Variants in HIVEP2 observed in about 807,000 individuals in gnomAD.
HIVEP2 encodes the protein HIVEP zinc finger 2.
In HIVEP2, 14 loss-of-function variants were observed where a neutral mutation model predicts 180.7. The ratio of observed to expected loss-of-function variants is 0.08; its 90% confidence interval spans 0.05 to 0.12. The LOEUF is 0.12. Among genes scored for constraint, HIVEP2 ranks in the 10% least tolerant of loss-of-function variants. HIVEP2 has a pLI of 1.00. For missense variants in HIVEP2, 2,579 were observed against 3,008.5 expected, an observed-to-expected ratio of 0.86 and a Z score of 3.34; for synonymous variants, 1,184 against 1,136.4, an observed-to-expected ratio of 1.04 and a Z score of -0.84.
intron 2 of HIVEP2, among the ~76,000 whole-genome samples, chr6:142,809,422 A>T (rs1776634393): frequency 1.3e-5 from 2 of 152,026 alleles, no homozygotes; most frequent in African/African-American, 4.8e-5. Context: ...CTCCTATGTA[A>T]CTACTGCCCC....
intron 1 of HIVEP2, among the ~76,000 whole-genome samples, chr6:142,903,077 A>G (rs747485476): frequency 2.6e-5 from 4 of 152,178 alleles, no homozygotes; most frequent in African/African-American, 4.8e-5. Context: ...CTTTATTATA[A>G]TTAATTTCAG....
At chr6:142,855,726 A>C (rs1775802789) in intron 1 of HIVEP2, among the ~76,000 whole-genome samples, 1 of 152,214 alleles carries the variant, frequency 6.6e-6, no homozygotes, top group African/African-American at 2.4e-5. Flanking sequence ...GCTTCTGTTC[A>C]TATGCTTAAG....
At position 142,771,004 on chromosome 6, in the gene HIVEP2, G is replaced by A. The variant is rs752377985; in HGVS notation, c.3735C>T (p.Pro1245=). The change falls in exon 5 of 10, where the codon CCC becomes CCT. Residue 1245 remains proline, a synonymous_variant. Coordinates refer to ENST00000367603, the MANE Select transcript of HIVEP2 (RefSeq NM_006734.4). This position sits in a 1 kb window ranked among gnomAD's most constrained non-coding sequence, Gnocchi z 5.4. ...AQHPQKSYGK[P]SFQTEIHSSY... ...TCGAATGGATTTCTGTCTGAAAAGA[G>A]GGCTTGCCATAGCTCTTCTGAGGGT... The A allele has an allele frequency of 1.9e-6, 3 of 1,614,210 alleles. No homozygotes were observed. Among genetic ancestry groups the A allele is most frequent in the East Asian group, 4.5e-5 (2 of 44,880 alleles).
chr6:142,925,711 A>G (rs554055323), intron 1 of HIVEP2, among the ~76,000 whole-genome samples: 3 of 152,224 alleles, frequency 2.0e-5, no homozygotes, highest in Non-Finnish European at 2.9e-5. Flanking sequence ...AGGCAACACT[A>G]CTGAAAGCAT....
chr6:142,888,036 TA>T (rs1011895680), intron 1 of HIVEP2, among the ~76,000 whole-genome samples: 2 of 152,130 alleles, frequency 1.3e-5, no homozygotes, highest in African/African-American at 4.8e-5. Context: ...ATGTCACTAG[TA>T]AAATACCATG....
At chr6:142,829,684 T>G (rs967717684) in intron 2 of HIVEP2, among the ~76,000 whole-genome samples, 3 of 152,232 alleles carry the variant, frequency 2.0e-5, no homozygotes, top group Non-Finnish European at 4.4e-5. Flanking sequence ...TAAATATTCA[T>G]TGAGTTTAAA....
intron 1 of HIVEP2, among the ~76,000 whole-genome samples, chr6:142,918,494 G>A (rs1308700201): frequency 2.0e-5 from 3 of 152,154 alleles, no homozygotes; most frequent in East Asian, 1.9e-4. Flanking sequence ...GCCTCCTAAC[G>A]ACAGCATCTG....
intron 1 of HIVEP2, among the ~76,000 whole-genome samples, chr6:142,902,006 G>A (rs571442509): frequency 6.6e-6 from 1 of 152,050 alleles, no homozygotes; most frequent in Non-Finnish European, 1.5e-5. Flanking sequence ...AATAGTGATG[G>A]CACTAGATGA....
intron 1 of HIVEP2, among the ~76,000 whole-genome samples, chr6:142,837,873 C>T (rs903570628): frequency 1.3e-5 from 2 of 151,986 alleles, no homozygotes; most frequent in African/African-American, 4.8e-5. Context: ...ATTAGGTCTT[C>T]CCAAGGTAGA....
chr6:142,803,752 C>T (rs148503655), intron 2 of HIVEP2, among the ~76,000 whole-genome samples: 1 of 152,212 alleles, frequency 6.6e-6, no homozygotes, highest in African/African-American at 2.4e-5. Context: ...AGAATGATTC[C>T]TCCTTTCCTA....
intron 1 of HIVEP2, among the ~76,000 whole-genome samples, chr6:142,905,385 C>A (rs565925164): frequency 1.3e-5 from 2 of 151,920 alleles, no homozygotes; most frequent in South Asian, 2.1e-4. Context: ...GTAATCAATA[C>A]GGGGGCCCAC....
intron 1 of HIVEP2, among the ~76,000 whole-genome samples, chr6:142,842,250 A>C (rs1775384306): frequency 6.6e-6 from 1 of 152,184 alleles, no homozygotes; most frequent in South Asian, 2.1e-4. Flanking sequence ...GCAGAAATAC[A>C]AATCACTTAA....
chr6:142,814,892 T>C (rs1776792843), intron 2 of HIVEP2, among the ~76,000 whole-genome samples: 1 of 152,176 alleles, frequency 6.6e-6, no homozygotes, highest in Non-Finnish European at 1.5e-5. Flanking sequence ...TTAGTTCATT[T>C]TGTTCTACTA....
intron 1 of HIVEP2, among the ~76,000 whole-genome samples, chr6:142,897,966 A>G (rs1172140121): frequency 6.6e-6 from 1 of 152,126 alleles, no homozygotes; most frequent in African/African-American, 2.4e-5. Flanking sequence ...AGCTTAGTAC[A>G]CACCTGCTCT....
intron 1 of HIVEP2, among the ~76,000 whole-genome samples, chr6:142,917,107 C>T (rs1241126705): frequency 6.6e-6 from 1 of 152,188 alleles, no homozygotes; most frequent in African/African-American, 2.4e-5. Flanking sequence ...TTATGTCACT[C>T]ATCCAAAATT....
chr6:142,923,364 G>A (rs1304396714), intron 1 of HIVEP2, among the ~76,000 whole-genome samples: 2 of 151,880 alleles, frequency 1.3e-5, no homozygotes, highest in Admixed American at 6.6e-5. Flanking sequence ...ATATTTAATA[G>A]TGAACAATAA....
At chr6:142,801,485 G>A (rs1055353994) in intron 2 of HIVEP2, among the ~76,000 whole-genome samples, 42 of 150,272 alleles carry the variant, frequency 2.8e-4, no homozygotes, top group African/African-American at 1.0e-3. Context: ...AGCTAAATAA[G>A]GCCAACGATC....
At chr6:142,813,959 A>G (rs550962972) in intron 2 of HIVEP2, among the ~76,000 whole-genome samples, 13 of 152,102 alleles carry the variant, frequency 8.5e-5, no homozygotes, top group African/African-American at 2.9e-4. Flanking sequence ...CACTGCAAAT[A>G]TAATGATGAA....
intron 7 of HIVEP2, among the ~76,000 whole-genome samples, chr6:142,762,285 A>C (rs1775263252): frequency 1.3e-5 from 2 of 152,184 alleles, no homozygotes; most frequent in South Asian, 4.1e-4. Context: ...CAAAAAAGAA[A>C]GGTTTCATGC....
Sources: gnomAD v4.1 joint callset for allele counts (sites outside exome capture counted in the v4.1 genomes callset) on GRCh38, gnomAD v4.1.1 for gene constraint, Gnocchi (gnomAD v3.1) non-coding constraint, MANE v1.5 for transcripts, NCBI Gene and HGNC (gene_info 2026-07-23, HGNC 2026-07-21) for gene names.